Variants in SRPK2 observed in about 807,000 individuals in gnomAD.
SRPK2 encodes the protein SFRS protein kinase 2.
Under a neutral mutation model 90.8 loss-of-function variants are expected in SRPK2, and 21 were observed. That is an observed-to-expected ratio of 0.23 (90% confidence interval 0.16 to 0.33). The LOEUF (loss-of-function observed/expected upper bound fraction) is 0.33, where lower values mean the gene tolerates loss of function less well. Ranked by LOEUF, SRPK2 falls within the 10% of genes least tolerant of loss-of-function variation. The probability of loss-of-function intolerance (pLI) is 1.00; values close to 1 mark genes in which losing one functional copy is unlikely to be tolerated. For missense variants in SRPK2, 620 were observed against 869.0 expected, an observed-to-expected ratio of 0.71 and a Z score of 3.60; for synonymous variants, 288 against 311.1, an observed-to-expected ratio of 0.93 and a Z score of 0.78.
intron 3 of SRPK2, among the ~76,000 whole-genome samples, chr7:105,179,142 C>T (rs959403237): frequency 1.3e-5 from 2 of 152,124 alleles, no homozygotes; most frequent in Non-Finnish European, 2.9e-5. Flanking sequence ...ATGTCAAGGC[C>T]AACACATAAT....
chr7:105,216,004 C>T (rs1425497838), intron 2 of SRPK2, among the ~76,000 whole-genome samples: 1 of 149,470 alleles, frequency 6.7e-6, no homozygotes, highest in Admixed American at 6.7e-5. Flanking sequence ...TATAATATGC[C>T]ACGATCACAC....
intron 1 of SRPK2, among the ~76,000 whole-genome samples, chr7:105,397,311 C>G (rs918239124): frequency 6.8e-6 from 1 of 147,702 alleles, no homozygotes; most frequent in Non-Finnish European, 1.5e-5. Context: ...CCACCATGCC[C>G]GACCCCCTTG....
At position 105,218,941 on chromosome 7, in the gene SRPK2, T is replaced by A. The variant is rs183407103; in HGVS notation, c.72-15156A>T. Among the ~76,000 whole-genome samples the A allele has an allele frequency of 2.8e-3, 422 of 152,038 alleles. 11 individuals carry two copies. The East Asian group carries it at 0.054, about 19-fold the overall frequency. On this transcript the variant is annotated intron_variant, in intron 2 of 15. Coordinates refer to ENST00000393651, the MANE Select transcript of SRPK2 (RefSeq NM_182692.3). The stretch of plus-strand genomic sequence containing the variant: ...GGAACAAGAAATTCAACAATTTTTT[T>A]TAAAAAAATAATGAGAATAGAGAAG...
At chr7:105,136,793 G>A (rs1031094414) in intron 11 of SRPK2, among the ~76,000 whole-genome samples, 1 of 152,198 alleles carries the variant, frequency 6.6e-6, no homozygotes, top group Admixed American at 6.5e-5. Flanking sequence ...CAAGGAAGTA[G>A]TGGAACTAAG....
chr7:105,340,759 A>C (rs1028147524), intron 2 of SRPK2, among the ~76,000 whole-genome samples: 6 of 152,132 alleles, frequency 3.9e-5, no homozygotes, highest in African/African-American at 1.4e-4. Flanking sequence ...AGATTTTCTT[A>C]AAAAATGAAG....
rs1480477084 is a variant in SRPK2 at position 105,197,242 on chromosome 7, T to C, written c.229+6386A>G. ...CACACATGGGTAAAGGCAATTTGTGTATAGGAAGAAACTCATCTGACATGC... is the reference window on the plus strand; with the variant it reads ...CACACATGGGTAAAGGCAATTTGTGCATAGGAAGAAACTCATCTGACATGC... On this transcript the variant is annotated intron_variant, in intron 3 of 15. Coordinates refer to ENST00000393651, the MANE Select transcript of SRPK2 (RefSeq NM_182692.3). Among the ~76,000 whole-genome samples the C allele has an allele frequency of 3.3e-5, 5 of 152,120 alleles. No individual in the cohort carries two copies. The East Asian group carries it at 9.6e-4, about 29-fold the overall frequency.
intron 2 of SRPK2, among the ~76,000 whole-genome samples, chr7:105,272,942 C>T (rs939380533): frequency 6.6e-6 from 1 of 152,174 alleles, no homozygotes; most frequent in Non-Finnish European, 1.5e-5. Flanking sequence ...CGGCCGGGCG[C>T]GGTGGCTCAC....
chr7:105,214,544 A>G (rs1055646319), intron 2 of SRPK2, among the ~76,000 whole-genome samples: 1 of 152,234 alleles, frequency 6.6e-6, no homozygotes, highest in Non-Finnish European at 1.5e-5. Context: ...ACTTGTTAAT[A>G]ACATTATGAT....
At chr7:105,283,243 A>G (rs1807581203) in intron 2 of SRPK2, among the ~76,000 whole-genome samples, 1 of 152,198 alleles carries the variant, frequency 6.6e-6, no homozygotes, top group South Asian at 2.1e-4. Flanking sequence ...TTCTTACAAG[A>G]GTTACAGAGT....
intron 2 of SRPK2, among the ~76,000 whole-genome samples, chr7:105,243,943 G>GT (rs1463314165): frequency 1.3e-5 from 2 of 152,334 alleles, no homozygotes; most frequent in East Asian, 3.9e-4. Flanking sequence ...AGGTAACTGA[G>GT]TTGGAGTCCC....
chr7:105,269,845 A>T (rs747374028), intron 2 of SRPK2, among the ~76,000 whole-genome samples: 1 of 152,238 alleles, frequency 6.6e-6, no homozygotes, highest in Non-Finnish European at 1.5e-5. Flanking sequence ...CCTATCCCTA[A>T]TAAGTATTTC....
rs555403016 is a variant in SRPK2, at chr7:105,132,737, G to C, written c.1752+54C>G. The C allele has an allele frequency of 2.9e-6, 4 of 1,401,624 alleles. No individual in the cohort carries two copies. The East Asian group carries it at 9.8e-5, about 34-fold the overall frequency. The allele number at this position is 1,401,624 out of a possible 1,614,324, so 86.8% of individuals were successfully genotyped here. A position where few individuals can be genotyped will look rare whatever the true frequency, so the allele number is the denominator to read the frequency against. On this transcript the variant is annotated intron_variant, in intron 13 of 15. Coordinates refer to ENST00000393651, the MANE Select transcript of SRPK2 (RefSeq NM_182692.3). ...TCAGAGAGACTCAGCCCCATCCAGAGTGTGAAAGGAACGAGCCAATTCCCA... is the reference window on the plus strand; with the variant it reads ...TCAGAGAGACTCAGCCCCATCCAGACTGTGAAAGGAACGAGCCAATTCCCA...
chr7:105,295,918 TA>T (rs934054430), intron 2 of SRPK2, among the ~76,000 whole-genome samples: 3 of 152,202 alleles, frequency 2.0e-5, no homozygotes, highest in Non-Finnish European at 4.4e-5. Flanking sequence ...ATTCTCAGTA[TA>T]CAGGATATAA....
At chr7:105,274,350 T>C (rs1056235128) in intron 2 of SRPK2, among the ~76,000 whole-genome samples, 3 of 151,828 alleles carry the variant, frequency 2.0e-5, no homozygotes, top group African/African-American at 7.3e-5. Context: ...TCATTTGAGG[T>C]CAGGAGTTCA....
chr7:105,204,952 T>A, intron 2 of SRPK2: 2 of 330,992 alleles, frequency 6.0e-6, no homozygotes, highest in Non-Finnish European at 1.2e-5. Context: ...CGATTCTGGA[T>A]CCTTTCTCTC....
chr7:105,279,208 C>CG (rs1410457241), intron 2 of SRPK2, among the ~76,000 whole-genome samples: 2 of 108,436 alleles, frequency 1.8e-5, no homozygotes, highest in Admixed American at 9.5e-5. Flanking sequence ...GGGCGGGCGG[C>CG]GGGGGGAGGA....
intron 3 of SRPK2, among the ~76,000 whole-genome samples, chr7:105,178,841 A>C (rs758475099): frequency 8.5e-5 from 13 of 152,068 alleles, no homozygotes; most frequent in Non-Finnish European, 1.9e-4. Context: ...TAACAACAAA[A>C]ATTACTTAAG....
At chr7:105,205,988 A>G (rs1796187332) in intron 2 of SRPK2, 2 of 518,934 alleles carry the variant, frequency 3.9e-6, no homozygotes, top group Admixed American at 1.9e-5. Flanking sequence ...AAGACAAGAA[A>G]TGATGGCTCT....
chr7:105,145,635 A>T (rs549657770), intron 8 of SRPK2, among the ~76,000 whole-genome samples: 8 of 152,368 alleles, frequency 5.3e-5, no homozygotes, highest in Admixed American at 2.0e-4. Flanking sequence ...TACATATCAC[A>T]GTCATTAAAC....
Sources: gnomAD v4.1 joint callset for allele counts (sites outside exome capture counted in the v4.1 genomes callset) on GRCh38, gnomAD v4.1.1 for gene constraint, MANE v1.5 for transcripts, NCBI Gene and HGNC (gene_info 2026-07-23, HGNC 2026-07-21) for gene names.